Variants in OSBPL2 observed in about 807,000 individuals in gnomAD.
OSBPL2 encodes the protein oxysterol-binding protein-related protein 2.
Under a neutral mutation model 58.4 loss-of-function variants are expected in OSBPL2, and 18 were observed. That is an observed-to-expected ratio of 0.31 (90% CI 0.21 to 0.46). The LOEUF (loss-of-function observed/expected upper bound fraction) is 0.46, where lower values mean the gene tolerates loss of function less well. Ranked by LOEUF, OSBPL2 falls within the 20% of genes least tolerant of loss-of-function variation. OSBPL2 has a pLI of 1.00. For missense variants in OSBPL2, 461 were observed against 616.5 expected (o/e 0.75, Z 2.67); for synonymous variants, 221 against 234.1 (o/e 0.94, Z 0.51).
intron 4 of OSBPL2, 101 bp from the exon 5 acceptor site, chr20:62,272,024 A>G: frequency 7.0e-7 from 1 of 1,424,722 alleles, no homozygotes; most frequent in East Asian, 2.3e-5. Flanking sequence ...TCAACCCCAG[A>G]GGCTGCGGCT....
At chr20:62,266,636 G>T (rs1241739534) in intron 4 of OSBPL2, among the ~76,000 whole-genome samples, 2 of 151,658 alleles carry the variant, frequency 1.3e-5, no homozygotes, top group Non-Finnish European at 2.9e-5. Flanking sequence ...CTGCAGTGAC[G>T]GGCTGTGGCT....
At chr20:62,286,512 G>T in intron 10 of OSBPL2, 71 bp from the exon 11 acceptor site, 1 of 1,544,756 alleles carries the variant, frequency 6.5e-7, no homozygotes, top group South Asian at 1.2e-5. Flanking sequence ...AAGGCGCTCT[G>T]AGAATAGCTG....
In OSBPL2 at chr20:62,251,144, C is replaced by T. The variant is rs563789993; in HGVS notation, c.-128-4913C>T. On this transcript the variant is annotated intron_variant, in intron 1 of 13. Transcript: ENST00000313733. ...CCGCAAGCTCTGCCTCCTGGGTTCA[C>T]GCCATTCTCCTGCCTCAGCCTCCTG... Among the ~76,000 whole-genome samples the T allele has an allele frequency of 4.3e-3, 626 of 144,310 alleles. 5 individuals are homozygous for T. Among genetic ancestry groups the T allele is most frequent in the Middle Eastern group, 7.8e-3 (2 of 258 alleles). The allele number at this position is 144,310 out of a possible 152,430, so 94.7% of individuals were successfully genotyped here.
At chr20:62,244,404 C>T (rs1979952121) in intron 1 of OSBPL2, among the ~76,000 whole-genome samples, 1 of 152,196 alleles carries the variant, frequency 6.6e-6, no homozygotes, top group South Asian at 2.1e-4. Flanking sequence ...ACTGCTGCTG[C>T]CCTTGGAGTG....
intron 9 of OSBPL2, 21 bp from the exon 10 acceptor site, chr20:62,284,025 A>T (rs1982955792): frequency 6.2e-7 from 1 of 1,605,150 alleles, no homozygotes; most frequent in Admixed American, 1.7e-5. Context: ...ACTTGTCTTT[A>T]AAAATCCCAT....
chr20:62,279,693 T>A (rs1982652801), intron 7 of OSBPL2, among the ~76,000 whole-genome samples: 1 of 152,224 alleles, frequency 6.6e-6, no homozygotes, highest in Non-Finnish European at 1.5e-5. Flanking sequence ...TGTCCCAAAC[T>A]TAGCAGCTTC....
Position 62,260,122 on chromosome 20 carries a change from A to G in OSBPL2, c.179A>G (p.His60Arg), listed in dbSNP as rs772159670. The G allele has an allele frequency of 9.3e-6, 15 of 1,613,614 alleles. 1 individual carries two copies. In the Admixed American group the frequency reaches 2.0e-4, roughly 22 times the overall value. The change falls in exon 3 of 14, where the codon CAC becomes CGC. Residue 60 changes from histidine (H) to arginine (R), a missense_variant. By Grantham distance (29) the His-to-Arg change is conservative (BLOSUM62 0). Coordinates refer to ENST00000313733, the MANE Select transcript of OSBPL2 (RefSeq NM_144498.4). ...TCTCAAGAGAACGGAATTCAGAAAC[A>G]CAGGTATGTTCTCTCACGTCTGCTG... ...RPSQENGIQK[H>R]RTSLPAPMFS...
At chr20:62,260,993 A>C (rs762305948) in intron 3 of OSBPL2, among the ~76,000 whole-genome samples, 2 of 151,746 alleles carry the variant, frequency 1.3e-5, no homozygotes, top group East Asian at 3.9e-4. Context: ...CTGGCTCAAA[A>C]AATAAAGGGA....
At chr20:62,260,550 T>G (rs1392499465) in intron 3 of OSBPL2, among the ~76,000 whole-genome samples, 1 of 152,178 alleles carries the variant, frequency 6.6e-6, no homozygotes, top group East Asian at 1.9e-4. Flanking sequence ...TCAGCGGAGT[T>G]CTATTGCAGT....
At chr20:62,287,967 TG>T (rs1983239300) in intron 11 of OSBPL2, among the ~76,000 whole-genome samples, 1 of 151,996 alleles carries the variant, frequency 6.6e-6, no homozygotes, top group African/African-American at 2.4e-5. Flanking sequence ...GACTCACACC[TG>T]AGAGCCAGGT....
chr20:62,284,985 T>C (rs923163294), intron 10 of OSBPL2: 5 of 152,246 alleles, frequency 3.3e-5, no homozygotes. Flanking sequence ...CTTAAAGCTT[T>C]GGAATACTCA....
At chr20:62,243,266 T>G (rs1979853129) in intron 1 of OSBPL2, among the ~76,000 whole-genome samples, 1 of 152,210 alleles carries the variant, frequency 6.6e-6, no homozygotes, top group South Asian at 2.1e-4. Context: ...CTTGATGATG[T>G]AGCAGAGCTG....
Position 62,291,757 on chromosome 20 carries a change from G to T in OSBPL2, c.1304G>T (p.Arg435Met). 6.2e-7 allele frequency: 1 copy of T among 1,613,460 alleles called. No homozygotes were observed. The highest frequency in any genetic ancestry group is 1.1e-5 in the South Asian group (1 of 91,092). ...RLEEKQREARRERAKEEAEWQ... is the reference protein window; with the variant it reads ...RLEEKQREARMERAKEEAEWQ... ...GAGGAGAAGCAGAGAGAAGCACGGA[G>T]GGAGCGGGCCAAGGAGGAGGCAGAG... Residue 435 changes from arginine to methionine, a missense_variant, in exon 13 of 14, where the codon AGG becomes ATG. This residue lies in a region of OSBPL2 where 319 missense variants were observed against 419.2 expected (regional missense o/e 0.76). Transcript: ENST00000313733.
At chr20:62,257,243 T>C (rs1980984293) in intron 2 of OSBPL2, among the ~76,000 whole-genome samples, 3 of 152,112 alleles carry the variant, frequency 2.0e-5, no homozygotes, top group Non-Finnish European at 4.4e-5. Flanking sequence ...CCCGAGGATG[T>C]TGATGGCTCT....
intron 11 of OSBPL2, 79 bp from the exon 12 acceptor site, chr20:62,289,128 G>A (rs1983325667): frequency 2.0e-6 from 3 of 1,525,448 alleles, no homozygotes; most frequent in Non-Finnish European, 1.8e-6. Context: ...GGGATTTCAG[G>A]GGCCCACTGG....
Position 62,286,651 on chromosome 20 carries a change from G to C in OSBPL2, c.1065G>C (p.Gln355His), listed in dbSNP as rs748074094. The change falls in exon 11 of 14, where the codon CAG becomes CAC. Residue 355 changes from glutamine to histidine, a missense_variant. Physicochemically the swap from Gln to His is conservative, Grantham distance 24 (BLOSUM62 0). This residue lies in a region of OSBPL2 where 319 missense variants were observed against 419.2 expected (regional missense o/e 0.76). Transcript: ENST00000313733. ...TGCCTGTGGCCCAGGAGACCGTGCA[G>C]GTCATTCCTGGCAGCAAGCTGCTCT... ...DDVPVAQETV[Q>H]VIPGSKLLWR... 1 of 1,613,764 alleles carries C rather than the reference G, an allele frequency of 6.2e-7. No individual in the cohort carries two copies. Among genetic ancestry groups the C allele is most frequent in the Admixed American group, 1.7e-5 (1 of 60,032 alleles).
rs1175692416 is a variant in OSBPL2, at chr20:62,286,678, G to C, written c.1092G>C (p.Trp364Cys). 6.2e-7 allele frequency: 1 copy of C among 1,613,506 alleles called. No individual in the cohort carries two copies. Among genetic ancestry groups the C allele is most frequent in the Non-Finnish European group, 8.5e-7 (1 of 1,179,766 alleles). Residue 364 changes from tryptophan (W) to cysteine (C), a missense_variant, in exon 11 of 14, where the codon TGG becomes TGC. Trp to Cys is a radical substitution (Grantham distance 215, BLOSUM62 -2). Coordinates refer to ENST00000313733, the MANE Select transcript of OSBPL2 (RefSeq NM_144498.4). ...TCATTCCTGGCAGCAAGCTGCTCTG[G>C]AGGATCAACACCCGGCCCCCCAACT... ...VQVIPGSKLL[W>C]RINTRPPNSA... is the part of the protein sequence containing the mutation.
At position 62,288,378 on chromosome 20, in the gene OSBPL2, C is replaced by CGGAGGCTGTGGGTGCAGAGGCTG. The variant is rs71195436; in HGVS notation, c.1126-798_1126-776dup. On this transcript the variant is annotated intron_variant, in intron 11 of 13. Coordinates refer to ENST00000313733, the MANE Select transcript of OSBPL2 (RefSeq NM_144498.4). This position sits in a 1 kb window ranked among gnomAD's most constrained non-coding sequence, Gnocchi z 4.8. ...CCAGGGCCCTGAGGGCTGCAGAGGC[C>CGGAGGCTGTGGGTGCAGAGGCTG]GGAGGCTGTGGGTGCAGAGGCTGGG... Among the ~76,000 whole-genome samples the CGGAGGCTGTGGGTGCAGAGGCTG allele has an allele frequency of 9.3e-5, 14 of 150,816 alleles. No homozygotes were observed. Among genetic ancestry groups the CGGAGGCTGTGGGTGCAGAGGCTG allele is most frequent in the Middle Eastern group, 7.0e-3 (2 of 284 alleles).
chr20:62,273,598 G>A (rs150797122), intron 6 of OSBPL2, among the ~76,000 whole-genome samples, 192 bp downstream of exon 6: 92 of 152,256 alleles, frequency 6.0e-4, no homozygotes, highest in African/African-American at 2.0e-3. Flanking sequence ...AGCGTGCCAC[G>A]GCGTCTGAGT....
Sources: gnomAD v4.1 joint callset for allele counts (sites outside exome capture counted in the v4.1 genomes callset) on GRCh38, gnomAD v4.1.1 for gene constraint, gnomAD v4.1.1 regional missense constraint, Gnocchi (gnomAD v3.1) non-coding constraint, MANE v1.5 for transcripts, NCBI Gene and HGNC (gene_info 2026-07-23, HGNC 2026-07-21) for gene names.